Variants in IQANK1 observed in about 807,000 individuals in gnomAD.
IQANK1 encodes the protein IQ motif and ankyrin repeat containing 1.
A neutral mutation model predicts 22.6 loss-of-function variants in IQANK1; 30 were observed. The ratio of observed to expected loss-of-function variants is 1.33; its 90% confidence interval spans 0.99 to 1.80. IQANK1 has a LOEUF of 1.80. Ranked by LOEUF, IQANK1 falls within the 40% of genes most tolerant of loss-of-function variation. The pLI is 0.00. For synonymous variants in IQANK1, 122 were observed against 99.6 expected (o/e 1.23, Z -1.34); for missense variants, 275 against 235.2 (o/e 1.17, Z -1.11).
chr8:143,789,477 G>A lies in IQANK1; in HGVS notation c.1035G>A (p.Glu345=), dbSNP rs966410295. 1.4e-5 allele frequency: 17 copies of A among 1,232,156 alleles called. No homozygotes were observed. Among genetic ancestry groups the A allele is most frequent in the Non-Finnish European group, 1.6e-5 (16 of 988,182 alleles). The allele number at this position is 1,232,156 out of a possible 1,614,324, so 76.3% of individuals were successfully genotyped here. A position where few individuals can be genotyped will look rare whatever the true frequency, so the allele number is the denominator to read the frequency against. ...GTGAGCTTAGCCGGAGGATCTCAGA[G>A]CACGACCAGTGTGAGTGGAGGTGCA... ...AYCELSRRIS[E]HDQCEWRCMD... Residue 345 remains glutamate (E), a synonymous_variant, in exon 10 of 14, where the codon GAG becomes GAA. Coordinates refer to ENST00000527139, the MANE Select transcript of IQANK1 (RefSeq NM_001381874.1).
At chr8:143,750,209 G>C (rs1447568839) in intron 3 of IQANK1, among the ~76,000 whole-genome samples, 1 of 151,860 alleles carries the variant, frequency 6.6e-6, no homozygotes, top group African/African-American at 2.4e-5. Flanking sequence ...TGTTGGTCAG[G>C]GTGGTCTCGA....
Position 143,740,080 on chromosome 8 carries a change from G to GTGTGGGAGTGCGCGTGTACGCGCACC in IQANK1, c.175+137_175+162dup, listed in dbSNP as rs1554626269. The GTGTGGGAGTGCGCGTGTACGCGCACC allele has an allele frequency of 9.5e-6, 5 of 527,604 alleles. No individual in the cohort carries two copies. In the African/African-American group the frequency reaches 1.0e-4, roughly 11 times the overall value. 32.7% of individuals were successfully genotyped at this position (527,604 alleles called of 1,614,324 possible). A position where few individuals can be genotyped will look rare whatever the true frequency, so the allele number is the denominator to read the frequency against. On this transcript the variant is annotated intron_variant, in intron 3 of 13. Coordinates refer to ENST00000527139, the MANE Select transcript of IQANK1 (RefSeq NM_001381874.1). Reference sequence around the variant, plus strand: ...TGTACACATGTGCTTGTGCGCGCACGTGTGGGAGTGCGCGTGTACGCGCAC... The same window carrying GTGTGGGAGTGCGCGTGTACGCGCACC: ...TGTACACATGTGCTTGTGCGCGCACGTGTGGGAGTGCGCGTGTACGCGCACCTGTGGGAGTGCGCGTGTACGCGCAC...
intron 7 of IQANK1, among the ~76,000 whole-genome samples, chr8:143,785,264 T>G (rs1819865480): frequency 6.8e-6 from 1 of 147,630 alleles, no homozygotes; most frequent in African/African-American, 2.5e-5. Flanking sequence ...TTTTTTTTTT[T>G]TTTTTTTTTT....
intron 2 of IQANK1, among the ~76,000 whole-genome samples, chr8:143,737,129 G>T (rs1021904729): frequency 1.3e-5 from 2 of 152,220 alleles, no homozygotes; most frequent in Non-Finnish European, 2.9e-5. Flanking sequence ...CGCCCTCCTG[G>T]AATGAGGATA....
At chr8:143,789,731 C>CA in intron 10 of IQANK1, 30 bp from the exon 11 acceptor site, 3 of 1,229,986 alleles carry the variant, frequency 2.4e-6, no homozygotes, top group Non-Finnish European at 3.0e-6. Flanking sequence ...TGGGGCAGGG[C>CA]AAGCAAGTCA....
intron 3 of IQANK1, chr8:143,759,084 G>A (rs1258465301): frequency 3.4e-6 from 1 of 297,776 alleles, no homozygotes; most frequent in Admixed American, 3.9e-5. Context: ...GGCCGGACAT[G>A]ACTCAATACT....
Position 143,790,157 on chromosome 8 carries a change from C to T in IQANK1, c.1310C>T (p.Pro437Leu). The T allele has an allele frequency of 8.1e-7, 1 of 1,231,948 alleles. No homozygotes were observed. The allele number at this position is 1,231,948 out of a possible 1,614,324, so 76.3% of individuals were successfully genotyped here. ...CCCAGGTGGCCTCTTGTTATTGACC[C>T]TTTGGGCCAGGCGGCCACCTTCCTG... Reference protein sequence around the residue: ...ADGRWPLVIDPLGQAATFLRY... With the variant: ...ADGRWPLVIDLLGQAATFLRY... The change falls in exon 13 of 14, where the codon CCT becomes CTT. Residue 437 changes from proline to leucine, a missense_variant. By Grantham distance (98) the Pro-to-Leu change is moderately conservative. Coordinates refer to ENST00000527139, the MANE Select transcript of IQANK1 (RefSeq NM_001381874.1).
At chr8:143,747,482 A>C (rs1819053697) in intron 3 of IQANK1, among the ~76,000 whole-genome samples, 1 of 152,040 alleles carries the variant, frequency 6.6e-6, no homozygotes, top group Non-Finnish European at 1.5e-5. Flanking sequence ...AATCTTATGT[A>C]TTAGTTTCAG....
rs1246593754 is a variant in IQANK1, at chr8:143,774,082, G to A, written c.789+1600G>A. Among the ~76,000 whole-genome samples the A allele has an allele frequency of 6.6e-6, 1 of 151,986 alleles. No individual in the cohort carries two copies. The highest frequency in any genetic ancestry group is 1.5e-5 in the Non-Finnish European group (1 of 68,016). Reference sequence around the variant, plus strand: ...AGTGGATTATAGATTTAAATGTAAAGGGTAAAATTACAAAACTTTTAGAAC... The same window carrying A: ...AGTGGATTATAGATTTAAATGTAAAAGGTAAAATTACAAAACTTTTAGAAC... On this transcript the variant is annotated intron_variant, in intron 7 of 13. Coordinates refer to ENST00000527139, the MANE Select transcript of IQANK1 (RefSeq NM_001381874.1). This position sits in a 1 kb window ranked among gnomAD's most constrained non-coding sequence, Gnocchi z 4.2.
chr8:143,752,113 C>T (rs553480200), intron 3 of IQANK1, among the ~76,000 whole-genome samples: 201 of 152,140 alleles, frequency 1.3e-3, no homozygotes, highest in African/African-American at 4.6e-3. Context: ...TTATAGGCGC[C>T]TGCCACCAGG....
chr8:143,786,620 G>A (rs1254324098), intron 7 of IQANK1, among the ~76,000 whole-genome samples: 1 of 152,180 alleles, frequency 6.6e-6, no homozygotes. Flanking sequence ...CAGAAGACCT[G>A]AGCTGGGAGC....
At chr8:143,766,488 T>C (rs913082701) in intron 3 of IQANK1, among the ~76,000 whole-genome samples, 2 of 151,914 alleles carry the variant, frequency 1.3e-5, no homozygotes, top group African/African-American at 2.4e-5. Flanking sequence ...CTGGCCAACA[T>C]GGTGAAACCC....
rs1325360868 is a variant in IQANK1 at position 143,789,966 on chromosome 8, G to C, written c.1196-5G>C. 8.1e-7 allele frequency: 1 copy of C among 1,231,906 alleles called. No homozygotes were observed. Among genetic ancestry groups the C allele is most frequent in the African/African-American group, 1.6e-5 (1 of 64,430 alleles). 76.3% of individuals were successfully genotyped at this position (1,231,906 alleles called of 1,614,324 possible). A position where few individuals can be genotyped will look rare whatever the true frequency, so the allele number is the denominator to read the frequency against. On this transcript the variant is annotated splice_region_variant and splice_polypyrimidine_tract_variant and intron_variant, in intron 11 of 13. Transcript: ENST00000527139. ...CCTGTCAGCTGCACTCTGCTACCCC[G>C]ACAGGGGAGGAAGAGGCGCCTGGGC...
rs140100634 is a variant in IQANK1 at position 143,789,210 on chromosome 8, G to A, written c.960G>A (p.Gln320=). 4 of 399,560 alleles carry A rather than the reference G, an allele frequency of 1.0e-5. No individual in the cohort carries two copies. The highest frequency in any genetic ancestry group is 6.2e-5 in the African/African-American group (3 of 48,738). The allele number at this position is 399,560 out of a possible 1,614,324, so 24.8% of individuals were successfully genotyped here. The part of the protein sequence containing the change: ...RCGSMTLKVQ[Q]LTREQQQCHK... Reference sequence around the variant, plus strand: ...TTAGTATGACCCTCAAGGTCCAACAGCTGACCAGGGAGCAGCAGCAGTGTC... The same window carrying A: ...TTAGTATGACCCTCAAGGTCCAACAACTGACCAGGGAGCAGCAGCAGTGTC... Residue 320 remains glutamine, a synonymous_variant, in exon 9 of 14, where the codon CAG becomes CAA. Transcript: ENST00000527139.
At chr8:143,741,208 G>C (rs1346458078) in intron 3 of IQANK1, among the ~76,000 whole-genome samples, 1 of 152,188 alleles carries the variant, frequency 6.6e-6, no homozygotes, top group Non-Finnish European at 1.5e-5. Context: ...TGGACTCCTA[G>C]CCTTCCTCCA....
chr8:143,751,664 G>GTGTATATATA (rs370428606), intron 3 of IQANK1, among the ~76,000 whole-genome samples: 1,128 of 61,502 alleles, frequency 0.018, 38 homozygotes, highest in African/African-American at 0.047. Flanking sequence ...GTGTGTGTGT[G>GTGTATATATA]TATATATATA....
At chr8:143,742,161 G>GCTGTCCGCATCACCA (rs1451352668) in intron 3 of IQANK1, 7 of 353,014 alleles carry the variant, frequency 2.0e-5, no homozygotes, top group Non-Finnish European at 3.9e-5. Flanking sequence ...GCCTTTCCCA[G>GCTGTCCGCATCACCA]CTGTCCGCAT....
intron 7 of IQANK1, among the ~76,000 whole-genome samples, chr8:143,787,242 AT>A (rs1367103539): frequency 6.6e-6 from 1 of 152,148 alleles, no homozygotes; most frequent in Non-Finnish European, 1.5e-5. Flanking sequence ...TCTGTGTAAA[AT>A]TTTGATTTTG....
intron 3 of IQANK1, chr8:143,759,619 A>AC (rs1404855848): frequency 6.6e-6 from 1 of 152,242 alleles, no homozygotes; most frequent in Non-Finnish European, 1.5e-5. Context: ...GTGCAGTTGG[A>AC]ATAGCCACCT....
Sources: allele counts gnomAD v4.1 joint callset (sites outside exome capture counted in the v4.1 genomes callset), GRCh38; gene constraint gnomAD v4.1.1; non-coding constraint Gnocchi (gnomAD v3.1); transcripts MANE v1.5; gene names NCBI Gene and HGNC (gene_info 2026-07-23, HGNC 2026-07-21).